The following LRP1B variants were observed in gnomAD, a reference collection of about 807,000 sequenced individuals.
LRP1B encodes low-density lipoprotein receptor-related protein 1B.
In LRP1B, 217 loss-of-function variants were observed where a neutral mutation model predicts 556.6. The ratio of observed to expected loss-of-function variants is 0.39; its 90% confidence interval spans 0.35 to 0.44. The LOEUF (loss-of-function observed/expected upper bound fraction) is 0.44. Ranked by LOEUF, LRP1B falls within the 20% of genes least tolerant of loss-of-function variation. LRP1B has a pLI of 1.00. For synonymous variants in LRP1B, 2,047 were observed against 1,865.8 expected, an observed-to-expected ratio of 1.10 and a Z score of -2.50; for missense variants, 5,053 against 5,620.8, an observed-to-expected ratio of 0.90 and a Z score of 3.23.
intron 2 of LRP1B, among the ~76,000 whole-genome samples, chr2:141,672,962 A>T (rs1347936349): frequency 6.6e-6 from 1 of 152,120 alleles, no homozygotes; most frequent in Non-Finnish European, 1.5e-5. Context: ...GGTTTTACAG[A>T]CTTGTACTCA....
chr2:141,959,185 G>A (rs1032798690), intron 1 of LRP1B, among the ~76,000 whole-genome samples: 6 of 152,032 alleles, frequency 3.9e-5, no homozygotes, highest in Middle Eastern at 3.4e-3. Flanking sequence ...CTCTTGTTTA[G>A]GATAGCAGAC....
chr2:140,640,807 T>C (rs1202594971), intron 41 of LRP1B, among the ~76,000 whole-genome samples: 1 of 152,186 alleles, frequency 6.6e-6, no homozygotes, highest in African/African-American at 2.4e-5. Context: ...TGTGCACTGA[T>C]TTATAAGGCC....
chr2:140,795,285 A>T (rs1277642955), intron 32 of LRP1B, among the ~76,000 whole-genome samples: 1 of 152,164 alleles, frequency 6.6e-6, no homozygotes, highest in East Asian at 1.9e-4. Context: ...GAGTCAACTC[A>T]GCACAAAATA....
At chr2:141,499,030 T>C (rs1400216667) in intron 2 of LRP1B, among the ~76,000 whole-genome samples, 4 of 152,094 alleles carry the variant, frequency 2.6e-5, no homozygotes, top group Middle Eastern at 3.2e-3. Flanking sequence ...GTCTCTACTC[T>C]GATCTGAGAA....
Position 141,308,495 on chromosome 2 carries a change from T to C in LRP1B, c.344-53854A>G, listed in dbSNP as rs138074175. Among the ~76,000 whole-genome samples, 566 of 152,336 alleles carry C rather than the reference T, an allele frequency of 3.7e-3. 7 individuals carry two copies. Among genetic ancestry groups the C allele is most frequent in the African/African-American group, 0.012 (513 of 41,574 alleles). The stretch of plus-strand genomic sequence containing the variant: ...ACTCACAAACTGTCCTGAGCATTTA[T>C]CTTTGTCAACATCTACTATAATTTT... On this transcript the variant is annotated intron_variant, in intron 3 of 90. Transcript: ENST00000389484.
intron 32 of LRP1B, among the ~76,000 whole-genome samples, chr2:140,795,846 G>A (rs916926884): frequency 1.3e-5 from 2 of 152,044 alleles, no homozygotes; most frequent in Non-Finnish European, 2.9e-5. Context: ...TGGAGTATAT[G>A]AGCAGACTTC....
At chr2:141,579,447 G>T (rs1242850452) in intron 2 of LRP1B, among the ~76,000 whole-genome samples, 1 of 152,036 alleles carries the variant, frequency 6.6e-6, no homozygotes, top group African/African-American at 2.4e-5. Context: ...AAAGAAGAAA[G>T]CCCAGAGAAG....
At chr2:140,313,890 G>T (rs1252412516) in intron 83 of LRP1B, among the ~76,000 whole-genome samples, 1 of 151,690 alleles carries the variant, frequency 6.6e-6, no homozygotes, top group Non-Finnish European at 1.5e-5. Context: ...TTTTCAGAAT[G>T]CTATTAAGTA....
At chr2:141,511,676 C>T (rs1684137082) in intron 2 of LRP1B, among the ~76,000 whole-genome samples, 1 of 152,152 alleles carries the variant, frequency 6.6e-6, no homozygotes, top group African/African-American at 2.4e-5. Context: ...TGTGTGCTTG[C>T]TCAGTGCGTA....
intron 2 of LRP1B, among the ~76,000 whole-genome samples, chr2:141,590,828 A>G (rs1687307930): frequency 6.6e-6 from 1 of 152,036 alleles, no homozygotes; most frequent in Non-Finnish European, 1.5e-5. Context: ...TCATGTCCCA[A>G]CTCATCAGTC....
At chr2:141,446,925 G>A (rs1203213017) in intron 3 of LRP1B, among the ~76,000 whole-genome samples, 3 of 152,082 alleles carry the variant, frequency 2.0e-5, no homozygotes, top group African/African-American at 7.2e-5. Flanking sequence ...TCTTTGTGGT[G>A]TTCTCTATAT....
At chr2:141,410,218 G>T (rs886448447) in intron 3 of LRP1B, among the ~76,000 whole-genome samples, 3 of 151,866 alleles carry the variant, frequency 2.0e-5, no homozygotes, top group Non-Finnish European at 4.4e-5. Flanking sequence ...ACTATTACAC[G>T]TCTTTTTAAT....
rs2105419601 is a variant in LRP1B, at chr2:140,700,268, T to G, written c.6781A>C (p.Arg2261=). Reference sequence around the variant, plus strand: ...TACTTACTTTCAACAATTACTTGTCTGTCTTCCCAGTTGTCTTTAATAAGC... The same window carrying G: ...TACTTACTTTCAACAATTACTTGTCGGTCTTCCCAGTTGTCTTTAATAAGC... ...IQLIKDNWED[R]QVIVENVGSV... The change falls in exon 41 of 91, where the codon AGA becomes CGA. Residue 2261 remains arginine, a synonymous_variant. Coordinates refer to ENST00000389484, the MANE Select transcript of LRP1B (RefSeq NM_018557.3). 1 of 1,611,008 alleles carries G rather than the reference T, an allele frequency of 6.2e-7. No individual in the cohort carries two copies. The highest frequency in any genetic ancestry group is 2.2e-5 in the East Asian group (1 of 44,812).
intron 7 of LRP1B, among the ~76,000 whole-genome samples, chr2:141,165,148 G>A (rs561829541): frequency 6.6e-6 from 1 of 152,088 alleles, no homozygotes; most frequent in Admixed American, 6.6e-5. Context: ...ATTAAAAGTA[G>A]CCAGAGAGCT....
Position 140,841,003 on chromosome 2 carries a change from C to G in LRP1B, c.5029G>C (p.Val1677Leu), listed in dbSNP as rs1479903857. The G allele has an allele frequency of 6.2e-7, 1 of 1,613,512 alleles. No homozygotes were observed. The highest frequency in any genetic ancestry group is 2.2e-5 in the East Asian group (1 of 44,842). ...SSEFDETQIN[V>L]ARLDGSLKTS... ...TTCAAAGAGCCATCTAGCCTTGCCA[C>G]ATTAATTTGCGTTTCATCAAATTCT... Residue 1677 changes from valine to leucine, a missense_variant, in exon 30 of 91, where the codon GTG (valine) becomes CTG (leucine). Val to Leu is a conservative substitution (Grantham distance 32). Transcript: ENST00000389484.
chr2:141,062,812 T>G (rs1223042586), intron 7 of LRP1B, among the ~76,000 whole-genome samples: 1 of 151,776 alleles, frequency 6.6e-6, no homozygotes, highest in Non-Finnish European at 1.5e-5. Flanking sequence ...AAAACATAAA[T>G]AATCAATTCC....
chr2:140,783,015 T>G (rs1343946040), intron 32 of LRP1B, among the ~76,000 whole-genome samples: 2 of 152,154 alleles, frequency 1.3e-5, no homozygotes, highest in Non-Finnish European at 2.9e-5. Flanking sequence ...GAAAATAGTC[T>G]CCCATTGGAC....
intron 3 of LRP1B, among the ~76,000 whole-genome samples, chr2:141,343,982 A>G (rs1451025275): frequency 1.3e-5 from 2 of 152,016 alleles, no homozygotes; most frequent in Non-Finnish European, 2.9e-5. Flanking sequence ...GAACCTCCCC[A>G]TGCCACAGTC....
chr2:141,122,641 T>C (rs769533135), intron 7 of LRP1B, among the ~76,000 whole-genome samples: 2,740 of 152,154 alleles, frequency 0.018, 35 homozygotes, highest in Middle Eastern at 0.037. Context: ...AACACTTTTA[T>C]ACTGTTGGTG....
Sources: gnomAD v4.1 joint callset for allele counts (sites outside exome capture counted in the v4.1 genomes callset) on GRCh38, gnomAD v4.1.1 for gene constraint, MANE v1.5 for transcripts, NCBI Gene and HGNC (gene_info 2026-07-23, HGNC 2026-07-21) for gene names.